The following PDE1C variants were observed in gnomAD, a reference collection of about 807,000 sequenced individuals.
The protein encoded by PDE1C is dual specificity calcium/calmodulin-dependent 3',5'-cyclic nucleotide phosphodiesterase 1C.
A neutral mutation model predicts 93.1 loss-of-function variants in PDE1C; 62 were observed. The ratio of observed to expected loss-of-function variants is 0.67; its 90% CI spans 0.54 to 0.82. PDE1C has a LOEUF of 0.82. PDE1C is among the 40% of genes least tolerant of loss of function. The probability of loss-of-function intolerance (pLI) is 0.00; values close to 1 mark genes in which losing one functional copy is unlikely to be tolerated. For synonymous variants in PDE1C, 325 were observed against 310.1 expected (o/e 1.05, Z -0.50); for missense variants, 742 against 884.6 (o/e 0.84, Z 2.04).
rs555755989 is a variant in PDE1C at position 32,266,824 on chromosome 7, T to C, written c.85+31827A>G. Among the ~76,000 whole-genome samples, 6 of 144,760 alleles carry C rather than the reference T, an allele frequency of 4.1e-5. No individual in the cohort carries two copies. The South Asian group carries it at 8.6e-4, about 21-fold the overall frequency. 95.0% of individuals were successfully genotyped at this position (144,760 alleles called of 152,430 possible). A position where few individuals can be genotyped will look rare whatever the true frequency, so the allele number is the denominator to read the frequency against. ...CAAATGAGCTCCAACAAGAGTGTCT[T>C]AGCCTCGGTCCTCAGATGCCAAGAT... On this transcript the variant is annotated intron_variant, in intron 1 of 18. Transcript: ENST00000396193.
chr7:31,749,198 C>G (rs1794067813), downstream of PDE1C, among the ~76,000 whole-genome samples: 1 of 151,906 alleles, frequency 6.6e-6, no homozygotes, highest in Non-Finnish European at 1.5e-5. Flanking sequence ...TCTCTAAGCA[C>G]CTATAAATGA....
chr7:31,907,070 G>GGTGTGTGT (rs55999814), intron 2 of PDE1C, among the ~76,000 whole-genome samples: 1,857 of 145,172 alleles, frequency 0.013, 28 homozygotes, highest in Admixed American at 0.03. Context: ...TGATATGTGG[G>GGTGTGTGT]GTGTGTGTGT....
At chr7:31,867,425 C>T (rs1317973129) in intron 6 of PDE1C, among the ~76,000 whole-genome samples, 1 of 152,120 alleles carries the variant, frequency 6.6e-6, no homozygotes, top group African/African-American at 2.4e-5. Flanking sequence ...CTGAGGATAG[C>T]CCAGTCCAGT....
At chr7:32,251,636 C>A (rs1358825928) in intron 1 of PDE1C, among the ~76,000 whole-genome samples, 1 of 152,156 alleles carries the variant, frequency 6.6e-6, no homozygotes, top group Non-Finnish European at 1.5e-5. Flanking sequence ...CCTCACACAA[C>A]CCCTGCACCT....
chr7:32,270,064 G>A (rs1401655502), intron 1 of PDE1C, among the ~76,000 whole-genome samples: 2 of 152,034 alleles, frequency 1.3e-5, no homozygotes, highest in African/African-American at 4.8e-5. Context: ...GTGTGGTATT[G>A]TTAAGTGATA....
At chr7:31,703,126 TTAAA>T in the PDE1C span, among the ~76,000 whole-genome samples, 3 of 152,168 alleles carry the variant, frequency 2.0e-5, no homozygotes, top group African/African-American at 7.2e-5. Flanking sequence ...GTTAACACAA[TTAAA>T]TAAAGTACAT....
intron 2 of PDE1C, among the ~76,000 whole-genome samples, chr7:32,193,667 G>A (rs1337869234): frequency 6.6e-6 from 1 of 152,054 alleles, no homozygotes; most frequent in Non-Finnish European, 1.5e-5. Flanking sequence ...CTTCATACAT[G>A]AATTGAGAAA....
At chr7:31,886,465 T>G (rs1392714760) in intron 2 of PDE1C, among the ~76,000 whole-genome samples, 1 of 152,198 alleles carries the variant, frequency 6.6e-6, no homozygotes. Flanking sequence ...GTGTCTTTTG[T>G]GTGCAGGCAC....
intron 1 of PDE1C, among the ~76,000 whole-genome samples, chr7:32,333,819 A>G (rs936497811): frequency 1.3e-5 from 2 of 152,344 alleles, no homozygotes; most frequent in South Asian, 4.1e-4. Flanking sequence ...TTAACCTTGC[A>G]GTTTTACCCA....
chr7:32,284,827 G>T (rs1811894679), intron 1 of PDE1C, among the ~76,000 whole-genome samples: 1 of 152,138 alleles, frequency 6.6e-6, no homozygotes, highest in Non-Finnish European at 1.5e-5. Flanking sequence ...GAGGTCAAGA[G>T]TTCAAGACCA....
chr7:32,368,261 C>A (rs78372392), intron 1 of PDE1C, among the ~76,000 whole-genome samples: 3,786 of 152,090 alleles, frequency 0.025, 67 homozygotes, highest in Non-Finnish European at 0.031. Context: ...AAAAAAAAGA[C>A]TCTTAGAACT....
At chr7:31,784,287 C>G (rs1213526446) in intron 16 of PDE1C, 1 of 152,012 alleles carries the variant, frequency 6.6e-6, no homozygotes, top group Non-Finnish European at 1.5e-5. Flanking sequence ...AGAGAAAAAC[C>G]CTGTGAGAGC....
chr7:32,192,112 C>T (rs956415621), intron 2 of PDE1C, among the ~76,000 whole-genome samples: 5 of 152,078 alleles, frequency 3.3e-5, no homozygotes, highest in African/African-American at 1.2e-4. Context: ...ATTCTAGATA[C>T]CAGTCCTTTG....
intron 16 of PDE1C, among the ~76,000 whole-genome samples, chr7:31,780,688 G>T (rs1256736387): frequency 6.6e-6 from 1 of 152,178 alleles, no homozygotes; most frequent in Non-Finnish European, 1.5e-5. Context: ...CATCAAGTAA[G>T]AGTACACACA....
At chr7:32,053,547 C>A (rs1271755470) in intron 1 of PDE1C, among the ~76,000 whole-genome samples, 1 of 152,162 alleles carries the variant, frequency 6.6e-6, no homozygotes, top group Non-Finnish European at 1.5e-5. Flanking sequence ...ATACAGGGAC[C>A]AAAGGCAAGG....
At chr7:32,026,478 C>T (rs1789452624) in intron 2 of PDE1C, among the ~76,000 whole-genome samples, 1 of 152,118 alleles carries the variant, frequency 6.6e-6, no homozygotes, top group South Asian at 2.1e-4. Flanking sequence ...CAGTCTTCAC[C>T]ATTGCACACC....
At chr7:32,222,918 C>T (rs2128855656) in intron 1 of PDE1C, among the ~76,000 whole-genome samples, 1 of 152,262 alleles carries the variant, frequency 6.6e-6, no homozygotes, top group Admixed American at 6.5e-5. Flanking sequence ...TGTGACAGTA[C>T]CCTTGTTTCT....
chr7:32,035,745 C>T (rs1205486283), intron 2 of PDE1C, among the ~76,000 whole-genome samples: 1 of 152,038 alleles, frequency 6.6e-6, no homozygotes, highest in East Asian at 1.9e-4. Flanking sequence ...CTCAAGAGAC[C>T]CAGGAGCTCG....
chr7:31,691,177 C>G, the PDE1C span, among the ~76,000 whole-genome samples: 1 of 152,170 alleles, frequency 6.6e-6, no homozygotes, highest in Admixed American at 6.5e-5. Context: ...AAGCTGTGCT[C>G]AAGTGATCAG....
Sources: gnomAD v4.1 joint callset for allele counts (sites outside exome capture counted in the v4.1 genomes callset) on GRCh38, gnomAD v4.1.1 for gene constraint, MANE v1.5 for transcripts, NCBI Gene and HGNC (gene_info 2026-07-23, HGNC 2026-07-21) for gene names.